The following GAS7 variants were observed in gnomAD, a reference collection of about 807,000 sequenced individuals.
The protein encoded by GAS7 is growth arrest specific 7.
GAS7 carries 28 observed loss-of-function variants against 71.1 expected under a neutral mutation model. The observed-to-expected ratio is 0.39, with a 90% CI of 0.29 to 0.54. The LOEUF (loss-of-function observed/expected upper bound fraction) is 0.54, where lower values mean the gene tolerates loss of function less well. Among genes scored for constraint, GAS7 ranks in the 20% least tolerant of loss-of-function variants. The pLI is 0.62. For missense variants in GAS7, 436 were observed against 627.8 expected, an observed-to-expected ratio of 0.69 and a Z score of 3.27; for synonymous variants, 258 against 245.8, an observed-to-expected ratio of 1.05 and a Z score of -0.46.
intron 2 of GAS7, among the ~76,000 whole-genome samples, chr17:9,991,029 A>G (rs6503278): frequency 0.41 from 61,995 of 151,766 alleles, 14,142 homozygotes; most frequent in African/African-American, 0.62. Flanking sequence ...TGTTGAGGAC[A>G]GGACTCAGTG....
At chr17:9,921,940 C>T (rs927561440) in intron 11 of GAS7, among the ~76,000 whole-genome samples, 1 of 129,540 alleles carries the variant, frequency 7.7e-6, no homozygotes, top group South Asian at 2.4e-4. Flanking sequence ...GCCTGGGCGA[C>T]AGAGCAAGAC....
intron 1 of GAS7, among the ~76,000 whole-genome samples, chr17:10,075,217 G>A (rs1331208862): frequency 6.6e-6 from 1 of 151,992 alleles, no homozygotes; most frequent in Non-Finnish European, 1.5e-5. Flanking sequence ...TTAGCCAGGC[G>A]TGGCGGCACA....
At position 9,981,592 on chromosome 17, in the gene GAS7, T is replaced by C. The variant is rs1365248711; in HGVS notation, c.385+212A>G. 1.3e-5 allele frequency among the ~76,000 whole-genome samples: 2 copies of C among 151,490 alleles called. No individual in the cohort carries two copies. Among genetic ancestry groups the C allele is most frequent in the African/African-American group, 4.9e-5 (2 of 41,196 alleles). The stretch of plus-strand genomic sequence containing the variant: ...CTCCCACTAAGCGCCTGAGGAGGAG[T>C]GTGCAGGAGGCCACCAGAGCTGCTG... On this transcript the variant is annotated intron_variant, in intron 3 of 13. Coordinates refer to ENST00000432992, the MANE Select transcript of GAS7 (RefSeq NM_201433.2). The surrounding 1 kb of genome is among the most constrained non-coding windows in gnomAD (Gnocchi z 4.4).
chr17:10,085,255 G>A (rs949563323), intron 1 of GAS7, among the ~76,000 whole-genome samples: 1 of 152,100 alleles, frequency 6.6e-6, no homozygotes, highest in African/African-American at 2.4e-5. Context: ...ACCAGCCCAA[G>A]GGAGACCAAG....
chr17:10,106,407 C>T (rs555509771), intron 1 of GAS7, among the ~76,000 whole-genome samples: 1 of 152,350 alleles, frequency 6.6e-6, no homozygotes, highest in East Asian at 1.9e-4. Context: ...AGATAATCCC[C>T]AAGACCATGT....
At chr17:10,042,976 G>A (rs571125526) in intron 1 of GAS7, among the ~76,000 whole-genome samples, 1 of 152,332 alleles carries the variant, frequency 6.6e-6, no homozygotes, top group East Asian at 1.9e-4. Flanking sequence ...CAAGTTCAAA[G>A]TGTTCGGTGG....
intron 1 of GAS7, among the ~76,000 whole-genome samples, chr17:10,162,559 A>C (rs2142120585): frequency 6.6e-6 from 1 of 152,240 alleles, no homozygotes; most frequent in South Asian, 2.1e-4. Context: ...TCACTTTTTA[A>C]AAGTTTGATC....
intron 3 of GAS7, among the ~76,000 whole-genome samples, chr17:9,973,256 CTT>C (rs34030402): frequency 2.1e-4 from 30 of 142,588 alleles, no homozygotes; most frequent in Admixed American, 3.5e-4. Flanking sequence ...ATAGTAGAAA[CTT>C]TTTTTTTTTT....
chr17:10,012,850 C>T (rs1023947175), intron 2 of GAS7, among the ~76,000 whole-genome samples: 51 of 151,996 alleles, frequency 3.4e-4, no homozygotes, highest in Non-Finnish European at 6.6e-4. Flanking sequence ...CGCCTGTAAT[C>T]CCAGCACCTT....
chr17:10,042,492 T>C (rs1438110463), intron 1 of GAS7, among the ~76,000 whole-genome samples: 2 of 152,004 alleles, frequency 1.3e-5, no homozygotes, highest in Non-Finnish European at 2.9e-5. Flanking sequence ...AACCAACTAA[T>C]AGTTACTAAC....
At chr17:10,177,296 C>G (rs2074380273) in intron 1 of GAS7, among the ~76,000 whole-genome samples, 1 of 152,128 alleles carries the variant, frequency 6.6e-6, no homozygotes. Context: ...ACAGAGGTGT[C>G]AGGTTGCTTC....
chr17:9,955,727 G>C (rs942768295), intron 5 of GAS7, among the ~76,000 whole-genome samples: 1 of 152,218 alleles, frequency 6.6e-6, no homozygotes, highest in South Asian at 2.1e-4. Flanking sequence ...GTGCTCAAGA[G>C]GGAGCCAGAG....
At chr17:10,163,637 C>T (rs2074272179) in intron 1 of GAS7, among the ~76,000 whole-genome samples, 2 of 152,026 alleles carry the variant, frequency 1.3e-5, no homozygotes, top group South Asian at 4.2e-4. Flanking sequence ...TCAGCTCTTC[C>T]ACCTGGGTTG....
chr17:10,191,358 C>G (rs1299712183), intron 1 of GAS7, among the ~76,000 whole-genome samples: 1 of 144,774 alleles, frequency 6.9e-6, no homozygotes, highest in African/African-American at 2.6e-5. Flanking sequence ...TCACTTGAGC[C>G]CAAGAGTTTG....
At chr17:10,072,393 G>T (rs2073350151) in intron 1 of GAS7, among the ~76,000 whole-genome samples, 1 of 152,140 alleles carries the variant, frequency 6.6e-6, no homozygotes, top group African/African-American at 2.4e-5. Flanking sequence ...TCACTGGAGG[G>T]GATGAGGAGC....
At chr17:9,979,555 C>T (rs529389532) in intron 3 of GAS7, among the ~76,000 whole-genome samples, 19 of 152,124 alleles carry the variant, frequency 1.2e-4, no homozygotes, top group Non-Finnish European at 1.9e-4. Flanking sequence ...CAGGACAGCC[C>T]CCATCAACAG....
Position 10,159,648 on chromosome 17 carries a change from G to A in GAS7, c.183+38560C>T, listed in dbSNP as rs111535475. On this transcript the variant is annotated intron_variant, in intron 1 of 13. Transcript: ENST00000432992. ...ACACAATCTAGAAGTCAAGATCGGG[G>A]TCACCTTTGGAAGAGAGTACTGACT... 2.4e-3 allele frequency among the ~76,000 whole-genome samples: 372 copies of A among 152,306 alleles called. 1 individual carries two copies. The highest frequency in any genetic ancestry group is 4.4e-3 in the Non-Finnish European group (296 of 68,032).
At chr17:10,012,290 TTTTA>T (rs2152191704) in intron 2 of GAS7, among the ~76,000 whole-genome samples, 1 of 152,252 alleles carries the variant, frequency 6.6e-6, no homozygotes, top group Admixed American at 6.5e-5. Context: ...TATATTTTTA[TTTTA>T]TTTATTTATT....
intron 1 of GAS7, among the ~76,000 whole-genome samples, chr17:10,033,332 A>C (rs1050514437): frequency 6.6e-6 from 1 of 151,310 alleles, no homozygotes; most frequent in Non-Finnish European, 1.5e-5. Context: ...TATGGCCCAG[A>C]GAGAGAGAGA....
Sources: allele counts gnomAD v4.1 joint callset (sites outside exome capture counted in the v4.1 genomes callset), GRCh38; gene constraint gnomAD v4.1.1; non-coding constraint Gnocchi (gnomAD v3.1); transcripts MANE v1.5; gene names NCBI Gene and HGNC (gene_info 2026-07-23, HGNC 2026-07-21).